Variants in PPARG observed in about 807,000 individuals in gnomAD.
PPARG encodes peroxisome proliferator-activated receptor gamma.
Under a neutral mutation model 39.2 loss-of-function variants are expected in PPARG, and 17 were observed. That is an observed-to-expected ratio of 0.43 (90% CI 0.30 to 0.65). PPARG has a LOEUF of 0.65. PPARG is among the 30% of genes least tolerant of loss of function. The pLI, the probability that PPARG is intolerant of heterozygous loss-of-function variation, is 0.13. For synonymous variants in PPARG, 223 were observed against 215.7 expected, an observed-to-expected ratio of 1.03 and a Z score of -0.30; for missense variants, 406 against 585.9, an observed-to-expected ratio of 0.69 and a Z score of 3.17.
rs373794365 is a variant in PPARG at position 12,433,892 on chromosome 3, C to T, written c.1181-6C>T. The T allele has an allele frequency of 6.8e-6, 11 of 1,613,888 alleles. No homozygotes were observed. Among genetic ancestry groups the T allele is most frequent in the Non-Finnish European group, 9.3e-6 (11 of 1,180,042 alleles). On this transcript the variant is annotated splice_polypyrimidine_tract_variant and splice_region_variant and intron_variant, in intron 7 of 7. Coordinates refer to ENST00000651735, the MANE Select transcript of PPARG (RefSeq NM_138711.6). ...CCTGTTGTGTTTTCCATATGTGCTTCCCCAGACCGCCCAGGTTTGCTGAAT... is the reference window on the plus strand; with the variant it reads ...CCTGTTGTGTTTTCCATATGTGCTTTCCCAGACCGCCCAGGTTTGCTGAAT...
At chr3:12,411,127 T>C (rs964020142) in intron 6 of PPARG, among the ~76,000 whole-genome samples, 4 of 152,148 alleles carry the variant, frequency 2.6e-5, no homozygotes, top group Admixed American at 2.0e-4. Flanking sequence ...ATGTAAAAGA[T>C]CTAAACCAGT....
intron 1 of PPARG, among the ~76,000 whole-genome samples, chr3:12,297,119 A>G (rs2046807878): frequency 6.6e-6 from 1 of 152,226 alleles, no homozygotes; most frequent in African/African-American, 2.4e-5. Context: ...GCATTGTTAT[A>G]AGAACCCATA....
intron 2 of PPARG, among the ~76,000 whole-genome samples, chr3:12,349,541 G>C (rs1284704378): frequency 6.6e-6 from 1 of 152,198 alleles, no homozygotes; most frequent in Non-Finnish European, 1.5e-5. Context: ...GGCAGGCCCT[G>C]TGTTTATTAA....
chr3:12,359,488 A>C (rs1643097744), intron 2 of PPARG, among the ~76,000 whole-genome samples: 1 of 152,166 alleles, frequency 6.6e-6, no homozygotes, highest in Non-Finnish European at 1.5e-5. Context: ...AAGACTACTC[A>C]GCTGATCCAA....
At chr3:12,333,929 G>C (rs1203380136) in intron 2 of PPARG, among the ~76,000 whole-genome samples, 1 of 152,132 alleles carries the variant, frequency 6.6e-6, no homozygotes, top group African/African-American at 2.4e-5. Context: ...ATTTTGACGA[G>C]TTTTTTTGAG....
chr3:12,359,366 A>G (rs969985386), intron 2 of PPARG, among the ~76,000 whole-genome samples: 4 of 152,312 alleles, frequency 2.6e-5, no homozygotes, highest in African/African-American at 9.6e-5. Context: ...GTAACTTCTA[A>G]GAAGCAAGGT....
At chr3:12,290,540 TA>T (rs1166273457) in intron 1 of PPARG, among the ~76,000 whole-genome samples, 2 of 152,130 alleles carry the variant, frequency 1.3e-5, no homozygotes, top group Non-Finnish European at 2.9e-5. Flanking sequence ...AATTCTAGAT[TA>T]TGCTTTAAAT....
At position 12,394,494 on chromosome 3, in the gene PPARG, G is replaced by C. The variant is rs780004572; in HGVS notation, c.529+1742G>C. Among the ~76,000 whole-genome samples the C allele has an allele frequency of 7.2e-5, 11 of 152,188 alleles. No individual in the cohort carries two copies. In the South Asian group the frequency reaches 2.1e-3, roughly 29 times the overall value. On this transcript the variant is annotated intron_variant, in intron 5 of 7. Transcript: ENST00000651735. ...TGTCAAAGAAAGCTATCATAAACTTGATAGGTCATATTTTGACTTCATATG... is the reference window on the plus strand; with the variant it reads ...TGTCAAAGAAAGCTATCATAAACTTCATAGGTCATATTTTGACTTCATATG...
chr3:12,328,153 G>C (rs2047747495), intron 2 of PPARG: 3 of 1,277,850 alleles, frequency 2.3e-6, no homozygotes, highest in South Asian at 1.2e-5. Flanking sequence ...TCAACTGTTA[G>C]AGAAGCAGCA....
chr3:12,291,184 A>G (rs2046639317), intron 1 of PPARG, among the ~76,000 whole-genome samples: 1 of 152,184 alleles, frequency 6.6e-6, no homozygotes, highest in Admixed American at 6.5e-5. Context: ...AAGCGTAAAC[A>G]TATGCACCCC....
At chr3:12,355,214 A>C (rs1479968939) in intron 2 of PPARG, among the ~76,000 whole-genome samples, 1 of 151,976 alleles carries the variant, frequency 6.6e-6, no homozygotes, top group African/African-American at 2.4e-5. Flanking sequence ...ATTTCACCAC[A>C]GCCTCAACCT....
At chr3:12,291,311 T>C (rs2046642462) in intron 1 of PPARG, among the ~76,000 whole-genome samples, 1 of 152,208 alleles carries the variant, frequency 6.6e-6, no homozygotes, top group South Asian at 2.1e-4. Flanking sequence ...ACAAAGGTCC[T>C]TTGAAACGGA....
At position 12,388,468 on chromosome 3, in the gene PPARG, T is replaced by C. The variant is rs189542799; in HGVS notation, c.391-4146T>C. ...CTGTAGCAGTTTTCTGAGCAATAAG[T>C]GAGAAGGAGCTAAGTGTAGGGCTTC... On this transcript the variant is annotated intron_variant, in intron 4 of 7. Transcript: ENST00000651735. Among the ~76,000 whole-genome samples, 3 of 152,260 alleles carry C rather than the reference T, an allele frequency of 2.0e-5. No homozygotes were observed. The East Asian group carries it at 5.8e-4, about 29-fold the overall frequency.
intron 4 of PPARG, 34 bp from the exon 5 acceptor site, chr3:12,392,580 A>C (rs752906257): frequency 6.2e-7 from 1 of 1,612,608 alleles, no homozygotes; most frequent in Non-Finnish European, 8.5e-7. Flanking sequence ...TGTCATAAAG[A>C]CTTAAAATTT....
intron 2 of PPARG, among the ~76,000 whole-genome samples, chr3:12,366,870 G>A (rs2049034880): frequency 6.6e-6 from 1 of 152,088 alleles, no homozygotes; most frequent in Non-Finnish European, 1.5e-5. Context: ...TCCTTGTAAT[G>A]TCTGTTTTGT....
At chr3:12,309,791 T>A (rs1479168296) in intron 1 of PPARG, among the ~76,000 whole-genome samples, 1 of 152,136 alleles carries the variant, frequency 6.6e-6, no homozygotes. Flanking sequence ...GCCTTATTAT[T>A]TACTTAGGTT....
chr3:12,349,062 A>C (rs1408397493), intron 2 of PPARG, among the ~76,000 whole-genome samples: 1 of 152,146 alleles, frequency 6.6e-6, no homozygotes. Context: ...TTCTCATATC[A>C]TTGCATGCCA....
At chr3:12,409,447 A>G (rs146626517) in intron 6 of PPARG, among the ~76,000 whole-genome samples, 3 of 152,304 alleles carry the variant, frequency 2.0e-5, no homozygotes, top group East Asian at 1.9e-4. Context: ...GTGATTTCCA[A>G]CGAGACTAGA....
intron 2 of PPARG, among the ~76,000 whole-genome samples, chr3:12,350,301 C>G (rs1479897682): frequency 6.6e-6 from 1 of 152,108 alleles, no homozygotes; most frequent in Non-Finnish European, 1.5e-5. Flanking sequence ...GCTCAACTCC[C>G]CCACTTTATT....
Sources: gnomAD v4.1 joint callset for allele counts (sites outside exome capture counted in the v4.1 genomes callset) on GRCh38, gnomAD v4.1.1 for gene constraint, MANE v1.5 for transcripts, NCBI Gene and HGNC (gene_info 2026-07-23, HGNC 2026-07-21) for gene names.